CYC1: variants seen among roughly 807,000 people sequenced by gnomAD.
CYC1 encodes the protein cytochrome c1, heme protein, mitochondrial.
A neutral mutation model predicts 33.8 loss-of-function variants in CYC1; 10 were observed. That is an observed-to-expected ratio of 0.30 (90% confidence interval 0.18 to 0.50). The LOEUF (loss-of-function observed/expected upper bound fraction) is 0.50. CYC1 is among the 20% of genes least tolerant of loss of function. The probability of loss-of-function intolerance (pLI) is 0.98; values close to 1 mark genes in which losing one functional copy is unlikely to be tolerated. For missense variants in CYC1, 459 were observed against 437.6 expected, an observed-to-expected ratio of 1.05 and a Z score of -0.44; for synonymous variants, 224 against 181.9, an observed-to-expected ratio of 1.23 and a Z score of -1.86.
chr8:144,096,968 AG>A (rs997597903), intron 5 of CYC1, 65 bp from the exon 6 acceptor site: 10 of 1,399,060 alleles, frequency 7.1e-6, no homozygotes, highest in Admixed American at 1.9e-5. Flanking sequence ...TGCTTCACAG[AG>A]GGGGGGCATG....
intron 2 of CYC1, 28 bp downstream of exon 2, chr8:144,096,057 C>T (rs368107185): frequency 1.9e-5 from 31 of 1,599,806 alleles, no homozygotes; most frequent in Non-Finnish European, 2.5e-5. Context: ...TGGCTGGCAG[C>T]GGGAGGTTCT....
At position 144,096,481 on chromosome 8, in the gene CYC1, A is replaced by G; in HGVS notation, c.598A>G (p.Ile200Val). 1 of 1,613,970 alleles carries G rather than the reference A, an allele frequency of 6.2e-7. No homozygotes were observed. The part of the protein sequence containing the change: ...NGALPPDLSY[I>V]VRARHGGEDY... ...AGCATTGCCCCCTGACCTCAGCTACATCGTGCGAGCTAGGTACACGGGCTG... is the reference window on the plus strand; with the variant it reads ...AGCATTGCCCCCTGACCTCAGCTACGTCGTGCGAGCTAGGTACACGGGCTG... The change falls in exon 4 of 7, where the codon ATC becomes GTC. Residue 200 changes from isoleucine (I) to valine (V), a missense_variant. Coordinates refer to ENST00000318911, the MANE Select transcript of CYC1 (RefSeq NM_001916.5).
At position 144,097,434 on chromosome 8, in the gene CYC1, T is replaced by G; in HGVS notation, c.*98T>G. 1.0e-6 allele frequency: 1 copy of G among 991,298 alleles called. No individual in the cohort carries two copies. The highest frequency in any genetic ancestry group is 1.5e-6 in the Non-Finnish European group (1 of 654,032). The allele number at this position is 991,298 out of a possible 1,614,324, so 61.4% of individuals were successfully genotyped here. ...GGCCTCAGCTAAGCCTCTCTTCATC[T>G]GGAAGAAGAGGCAAGGGGGCAGGAG... is the stretch of plus-strand genomic sequence containing the variant. On this transcript the variant is annotated 3_prime_UTR_variant, in exon 7 of 7. Transcript: ENST00000318911.
At chr8:144,097,182 C>T (rs376851349) in intron 6 of CYC1, 48 bp downstream of exon 6, 242 of 1,606,770 alleles carry the variant, frequency 1.5e-4, no homozygotes, top group Non-Finnish European at 2.0e-4. Flanking sequence ...GGGCTGGGAG[C>T]TGGGCAGGGC....
In CYC1 at chr8:144,096,342, G is replaced by A. The variant is rs1196628449; in HGVS notation, c.459G>A (p.Glu153=). 2.5e-6 allele frequency: 4 copies of A among 1,612,600 alleles called. No individual in the cohort carries two copies. The highest frequency in any genetic ancestry group is 2.5e-6 in the Non-Finnish European group (3 of 1,179,448). Residue 153 remains glutamate, a synonymous_variant, in exon 4 of 7, where the codon GAG becomes GAA. Transcript: ENST00000318911. ...DEAKELAAEV[E]VQDGPNEDGE... ...GATGAGGCTCTCGGTGGCAGGTGGA[G>A]GTTCAAGACGGCCCCAATGAAGATG...
At position 144,097,104 on chromosome 8, in the gene CYC1, G is replaced by T; in HGVS notation, c.843G>T (p.Glu281Asp). The T allele has an allele frequency of 6.2e-7, 1 of 1,612,092 alleles. No individual in the cohort carries two copies. Among genetic ancestry groups the T allele is most frequent in the Non-Finnish European group, 8.5e-7 (1 of 1,178,998 alleles). The change falls in exon 6 of 7, where the codon GAG (glutamate) becomes GAT (aspartate). Residue 281 changes from glutamate (E) to aspartate (D), a missense_variant. Glu to Asp is a conservative substitution (Grantham distance 45). Transcript: ENST00000318911. ...CTFLRWASEP[E>D]HDHRKRMGLK... ...TCCTGCGCTGGGCATCTGAGCCAGA[G>T]CACGACCATCGAAAACGCATGGGGC...
chr8:144,096,820 C>T lies in CYC1; in HGVS notation c.772+76C>T, dbSNP rs1010600536. On this transcript the variant is annotated intron_variant, in intron 5 of 6. Transcript: ENST00000318911. Reference sequence around the variant, plus strand: ...CCCCAGGGATGCTTTCCCTGTGTTCCTGGGTCCAGGAGGTCCTGCCCACTT... The same window carrying T: ...CCCCAGGGATGCTTTCCCTGTGTTCTTGGGTCCAGGAGGTCCTGCCCACTT... 42 of 1,512,336 alleles carry T rather than the reference C, an allele frequency of 2.8e-5. No homozygotes were observed. The Middle Eastern group carries it at 5.2e-4, about 19-fold the overall frequency. The allele number at this position is 1,512,336 out of a possible 1,614,324, so 93.7% of individuals were successfully genotyped here. A position where few individuals can be genotyped will look rare whatever the true frequency, so the allele number is the denominator to read the frequency against.
Position 144,095,965 on chromosome 8 carries a change from G to A in CYC1, c.262G>A (p.Glu88Lys). ...LHSAVSASDL[E>K]LHPPSYPWSH... ...TTCGGCTGTGAGTGCCAGTGACCTGGAGCTGCACCCCCCCAGCTATCCGTG... is the reference window on the plus strand; with the variant it reads ...TTCGGCTGTGAGTGCCAGTGACCTGAAGCTGCACCCCCCCAGCTATCCGTG... Residue 88 changes from glutamate (E) to lysine (K), a missense_variant, in exon 2 of 7, where the codon GAG (glutamate) becomes AAG (lysine). Glu to Lys is a moderately conservative substitution (Grantham distance 56). Transcript: ENST00000318911. The A allele has an allele frequency of 6.2e-7, 1 of 1,608,100 alleles. No individual in the cohort carries two copies. Among genetic ancestry groups the A allele is most frequent in the Non-Finnish European group, 8.5e-7 (1 of 1,179,678 alleles).
chr8:144,096,511 T>C lies in CYC1; in HGVS notation c.611+17T>C. 1.2e-6 allele frequency: 2 copies of C among 1,613,938 alleles called. No individual in the cohort carries two copies. The highest frequency in any genetic ancestry group is 1.7e-6 in the Non-Finnish European group (2 of 1,179,964). On this transcript the variant is annotated intron_variant, in intron 4 of 6. Coordinates refer to ENST00000318911, the MANE Select transcript of CYC1 (RefSeq NM_001916.5). ...GCGAGCTAGGTACACGGGCTGCCCA[T>C]GGGGTGGTGCTGGAGAGATGGGGGA... is the stretch of plus-strand genomic sequence containing the variant.
rs191637379 is a variant in CYC1, at chr8:144,095,563, C to T, written c.130-270C>T. 322 of 530,554 alleles carry T rather than the reference C, an allele frequency of 6.1e-4. 2 individuals are homozygous for T. Among genetic ancestry groups the T allele is most frequent in the African/African-American group, 5.6e-3 (281 of 50,308 alleles). The allele number at this position is 530,554 out of a possible 1,614,324, so 32.9% of individuals were successfully genotyped here. On this transcript the variant is annotated intron_variant, in intron 1 of 6. Coordinates refer to ENST00000318911, the MANE Select transcript of CYC1 (RefSeq NM_001916.5). ...TCCTGAAGTGACCCCAGCCTGATCT[C>T]GGCCAGCTGCTTGTGACCTTGGCCT...
rs1204713315 is a variant in CYC1, at chr8:144,097,480, C to A, written c.*144C>A. ...AGGAGACCAGGCTCTAGCTCTGGGC[C>A]CTCCTTCAGCCCCCATCATGGGAAT... On this transcript the variant is annotated 3_prime_UTR_variant, in exon 7 of 7. Coordinates refer to ENST00000318911, the MANE Select transcript of CYC1 (RefSeq NM_001916.5). 1.6e-6 allele frequency: 1 copy of A among 623,690 alleles called. No homozygotes were observed. Among genetic ancestry groups the A allele is most frequent in the Admixed American group, 2.9e-5 (1 of 34,290 alleles). 38.6% of individuals were successfully genotyped at this position (623,690 alleles called of 1,614,324 possible). A position where few individuals can be genotyped will look rare whatever the true frequency, so the allele number is the denominator to read the frequency against.
At position 144,097,045 on chromosome 8, in the gene CYC1, A is replaced by G. The variant is rs1445247972; in HGVS notation, c.784A>G (p.Thr262Ala). Residue 262 changes from threonine (T) to alanine (A), a missense_variant, in exon 6 of 7, where the codon ACC becomes GCC. Thr to Ala is a moderately conservative substitution (Grantham distance 58). Coordinates refer to ENST00000318911, the MANE Select transcript of CYC1 (RefSeq NM_001916.5). ...TTGTCGTTGGCCAGGCACCCCAGCT[A>G]CCATGTCCCAGATAGCCAAGGATGT... ...VLEFDDGTPA[T>A]MSQIAKDVCT... The G allele has an allele frequency of 6.2e-7, 1 of 1,607,524 alleles. No homozygotes were observed. Among genetic ancestry groups the G allele is most frequent in the Non-Finnish European group, 8.5e-7 (1 of 1,176,474 alleles).
Position 144,096,023 on chromosome 8 carries a change from A to G in CYC1, c.320A>G (p.His107Arg), listed in dbSNP as rs11541474. The G allele has an allele frequency of 6.2e-7, 1 of 1,601,544 alleles. No individual in the cohort carries two copies. The highest frequency in any genetic ancestry group is 1.1e-5 in the South Asian group (1 of 90,822). The change falls in exon 2 of 7, where the codon CAC becomes CGC. Residue 107 changes from histidine to arginine, a missense_variant. Coordinates refer to ENST00000318911, the MANE Select transcript of CYC1 (RefSeq NM_001916.5). ...SHRGLLSSLD[H>R]TSIRRGFQVY... ...CGTGGCCTCCTCTCTTCCTTGGACC[A>G]CACCAGGTGTGCAGCTGGCTGGCTG...
At chr8:144,095,452 G>C in intron 1 of CYC1, 1 of 436,164 alleles carries the variant, frequency 2.3e-6, no homozygotes, top group East Asian at 4.1e-5. Flanking sequence ...TGGCGGGACG[G>C]GCTAGCTGCC....
At chr8:144,096,069 G>A in intron 2 of CYC1, 40 bp downstream of exon 2, 3 of 1,603,382 alleles carry the variant, frequency 1.9e-6, no homozygotes, top group Admixed American at 1.7e-5. Flanking sequence ...GGAGGTTCTG[G>A]GTGGAGCTGG....
In CYC1 at chr8:144,096,426, C is replaced by G. The variant is rs1256365170; in HGVS notation, c.543C>G (p.Asn181Lys). The change falls in exon 4 of 7, where the codon AAC becomes AAG. Residue 181 changes from asparagine (N) to lysine (K), a missense_variant. Physicochemically the swap from Asn to Lys is moderately conservative, Grantham distance 94. Coordinates refer to ENST00000318911, the MANE Select transcript of CYC1 (RefSeq NM_001916.5). ...LFDYFPKPYP[N>K]SEAARAANNG... is the part of the protein sequence containing the mutation. The stretch of plus-strand genomic sequence containing the variant: ...ACTATTTCCCAAAACCATACCCCAA[C>G]AGTGAGGCTGCTCGAGCTGCCAACA... 1.4e-5 allele frequency: 23 copies of G among 1,614,026 alleles called. No individual in the cohort carries two copies. The highest frequency in any genetic ancestry group is 1.9e-5 in the Non-Finnish European group (23 of 1,180,026).
rs778031990 is a variant in CYC1, at chr8:144,097,322, C to T, written c.964C>T (p.Arg322Trp). ...SVLKSRKLAY[R>W]PPK Reference sequence around the variant, plus strand: ...CCTGAAGAGTCGGAAGCTGGCATATCGGCCGCCCAAGTGACCCTGTCCAGT... The same window carrying T: ...CCTGAAGAGTCGGAAGCTGGCATATTGGCCGCCCAAGTGACCCTGTCCAGT... Residue 322 changes from arginine to tryptophan, a missense_variant, in exon 7 of 7, where the codon CGG becomes TGG. By Grantham distance (101) the Arg-to-Trp change is moderately radical (BLOSUM62 -3). Coordinates refer to ENST00000318911, the MANE Select transcript of CYC1 (RefSeq NM_001916.5). The T allele has an allele frequency of 2.5e-6, 4 of 1,613,796 alleles. No homozygotes were observed. The highest frequency in any genetic ancestry group is 2.2e-5 in the East Asian group (1 of 44,884).
chr8:144,096,554 G>C, intron 4 of CYC1, 30 bp from the exon 5 acceptor site: 1 of 1,613,984 alleles, frequency 6.2e-7, no homozygotes, highest in Non-Finnish European at 8.5e-7. Flanking sequence ...ACTTGTGCTT[G>C]GAACTAAGGA....
Position 144,097,294 on chromosome 8 carries a change from A to G in CYC1, c.936A>G (p.Ser312=). 2 of 1,614,104 alleles carry G rather than the reference A, an allele frequency of 1.2e-6. No individual in the cohort carries two copies. The highest frequency in any genetic ancestry group is 1.7e-6 in the Non-Finnish European group (2 of 1,180,010). Residue 312 remains serine (S), a synonymous_variant, in exon 7 of 7, where the codon TCA becomes TCG. Coordinates refer to ENST00000318911, the MANE Select transcript of CYC1 (RefSeq NM_001916.5). Reference sequence around the variant, plus strand: ...ACACCATAAAGCGGCACAAGTGGTCAGTCCTGAAGAGTCGGAAGCTGGCAT... The same window carrying G: ...ACACCATAAAGCGGCACAAGTGGTCGGTCCTGAAGAGTCGGAAGCTGGCAT... The part of the protein sequence containing the change: ...LVYTIKRHKW[S]VLKSRKLAYR...
Sources: gnomAD v4.1 joint callset for allele counts on GRCh38, gnomAD v4.1.1 for gene constraint, MANE v1.5 for transcripts, NCBI Gene and HGNC (gene_info 2026-07-23, HGNC 2026-07-21) for gene names.